The following CRB1 variants were observed in gnomAD, a reference collection of about 807,000 sequenced individuals.
CRB1 encodes the protein crumbs cell polarity complex component 1, also known as protein crumbs homolog 1.
A neutral mutation model predicts 120.0 loss-of-function variants in CRB1; 83 were observed. That is an observed-to-expected ratio of 0.69 (90% CI 0.58 to 0.83). The LOEUF (loss-of-function observed/expected upper bound fraction) is 0.83, where lower values mean the gene tolerates loss of function less well. CRB1 is among the 40% of genes least tolerant of loss of function. The pLI, the probability that CRB1 is intolerant of heterozygous loss-of-function variation, is 0.00. For missense variants in CRB1, 1,699 were observed against 1,687.6 expected (o/e 1.01, Z -0.12); for synonymous variants, 625 against 612.5 (o/e 1.02, Z -0.30).
chr1:197,297,321 A>G (rs1483277585), intron 1 of CRB1, among the ~76,000 whole-genome samples: 3 of 151,964 alleles, frequency 2.0e-5, no homozygotes, highest in African/African-American at 2.4e-5. Context: ...GCTATTATAC[A>G]TATATTAGTT....
the CRB1 span, among the ~76,000 whole-genome samples, chr1:197,207,373 G>C: frequency 6.6e-6 from 1 of 151,868 alleles, no homozygotes; most frequent in Non-Finnish European, 1.5e-5. Context: ...TTTGTTCCAA[G>C]ATTTAGAGCT....
chr1:197,241,860 A>G, the CRB1 span, among the ~76,000 whole-genome samples: 39,875 of 151,688 alleles, frequency 0.26, 6,228 homozygotes, highest in African/African-American at 0.44. Context: ...GTCCTTTCTT[A>G]TTTCCTTGAG....
Position 197,420,798 on chromosome 1 carries a change from G to A in CRB1, c.1172-202G>A, listed in dbSNP as rs1664262415. On this transcript the variant is annotated intron_variant, in intron 5 of 11. Transcript: ENST00000367400. Reference sequence around the variant, plus strand: ...AGAGGAAGAATACAAAGCCTGCCATGACTGCATCTTTTTTCTTCATGACAC... The same window carrying A: ...AGAGGAAGAATACAAAGCCTGCCATAACTGCATCTTTTTTCTTCATGACAC... Among the ~76,000 whole-genome samples the A allele has an allele frequency of 2.0e-5, 3 of 152,152 alleles. No individual in the cohort carries two copies. The South Asian group carries it at 6.2e-4, about 31-fold the overall frequency.
intron 5 of CRB1, among the ~76,000 whole-genome samples, chr1:197,386,354 T>A (rs1335104928): frequency 6.6e-6 from 1 of 152,148 alleles, no homozygotes; most frequent in Non-Finnish European, 1.5e-5. Context: ...TTGTATCTCT[T>A]ATCATACTCT....
rs1299705675 is a variant in CRB1, at chr1:197,435,233, C to A, written c.3370C>A (p.Gln1124Lys). ...HGFINKPQEE[Q>K]FLKISTNSVV... The stretch of plus-strand genomic sequence containing the variant: ...TTTCATTAATAAACCTCAGGAAGAG[C>A]AATTTCTCAAAATCTCTACCAATTC... The change falls in exon 9 of 12, where the codon CAA becomes AAA. Residue 1124 changes from glutamine to lysine, a missense_variant. Physicochemically the swap from Gln to Lys is moderately conservative, Grantham distance 53 (BLOSUM62 1). Transcript: ENST00000367400. 1 of 1,613,854 alleles carries A rather than the reference C, an allele frequency of 6.2e-7. No homozygotes were observed. Among genetic ancestry groups the A allele is most frequent in the Admixed American group, 1.7e-5 (1 of 59,956 alleles).
At chr1:197,287,504 G>A (rs530788052) in intron 1 of CRB1, among the ~76,000 whole-genome samples, 1 of 151,948 alleles carries the variant, frequency 6.6e-6, no homozygotes, top group South Asian at 2.1e-4. Context: ...AGTTTGTGGG[G>A]GATTGTAAGC....
the CRB1 span, among the ~76,000 whole-genome samples, chr1:197,239,088 T>C: frequency 6.6e-6 from 1 of 152,112 alleles, no homozygotes; most frequent in Non-Finnish European, 1.5e-5. Flanking sequence ...TCAAGCTCTA[T>C]ATAATTTTAA....
chr1:197,277,841 T>G (rs1013783666), intron 1 of CRB1, among the ~76,000 whole-genome samples: 1 of 151,872 alleles, frequency 6.6e-6, no homozygotes, highest in African/African-American at 2.4e-5. Context: ...ATTACCACGT[T>G]TTTTCAAGGC....
chr1:197,354,329 C>G lies in CRB1; in HGVS notation c.989-2502C>G, dbSNP rs116263509. ...AAACTCAAAACGCTTACACAGACAG[C>G]CATGTATAATTGTGTCCGAAATTGG... On this transcript the variant is annotated intron_variant, in intron 4 of 11. Coordinates refer to ENST00000367400, the MANE Select transcript of CRB1 (RefSeq NM_201253.3). 8.6e-3 allele frequency among the ~76,000 whole-genome samples: 1,307 copies of G among 152,290 alleles called. 18 individuals are homozygous for G. Among genetic ancestry groups the G allele is most frequent in the African/African-American group, 0.03 (1,258 of 41,550 alleles).
chr1:197,420,037 A>G (rs1182741509), intron 5 of CRB1, among the ~76,000 whole-genome samples: 2 of 150,714 alleles, frequency 1.3e-5, no homozygotes, highest in Non-Finnish European at 3.0e-5. Context: ...GTCTGATGTT[A>G]GAAGTGCTTT....
intron 11 of CRB1, among the ~76,000 whole-genome samples, chr1:197,460,150 A>T (rs1431928040): frequency 6.6e-6 from 1 of 151,808 alleles, no homozygotes; most frequent in Non-Finnish European, 1.5e-5. Flanking sequence ...TTCAGATATG[A>T]TCAGATTAAG....
chr1:197,386,912 A>G (rs1382962852), intron 5 of CRB1, among the ~76,000 whole-genome samples: 1 of 152,148 alleles, frequency 6.6e-6, no homozygotes, highest in Non-Finnish European at 1.5e-5. Flanking sequence ...TTCCATAGTA[A>G]TAGCTATGTT....
At chr1:197,408,341 G>T (rs567194186) in intron 5 of CRB1, among the ~76,000 whole-genome samples, 1 of 152,024 alleles carries the variant, frequency 6.6e-6, no homozygotes, top group Non-Finnish European at 1.5e-5. Flanking sequence ...TTGAAAAAAC[G>T]AAAGAGAGAG....
At chr1:197,423,098 C>T (rs910929334) in intron 6 of CRB1, among the ~76,000 whole-genome samples, 1 of 152,030 alleles carries the variant, frequency 6.6e-6, no homozygotes, top group Non-Finnish European at 1.5e-5. Context: ...AGGCAATGTT[C>T]ACTTTTTGAA....
intron 1 of CRB1, among the ~76,000 whole-genome samples, chr1:197,318,959 T>C (rs768963161): frequency 6.6e-6 from 1 of 152,106 alleles, no homozygotes; most frequent in Non-Finnish European, 1.5e-5. Context: ...CAATGTATTA[T>C]ATGTTCCAAA....
At chr1:197,255,869 TAGG>T in the CRB1 span, among the ~76,000 whole-genome samples, 13 of 149,722 alleles carry the variant, frequency 8.7e-5, no homozygotes, top group African/African-American at 3.2e-4. Context: ...TTCTATAGGA[TAGG>T]AGGAGAGTAG....
chr1:197,289,734 C>A (rs946283224), intron 1 of CRB1, among the ~76,000 whole-genome samples: 2 of 151,702 alleles, frequency 1.3e-5, no homozygotes, highest in Admixed American at 1.3e-4. Flanking sequence ...GTCTAATATG[C>A]TCTAATTTGT....
intron 1 of CRB1, among the ~76,000 whole-genome samples, chr1:197,279,477 A>G (rs1243201703): frequency 1.3e-5 from 2 of 151,526 alleles, no homozygotes; most frequent in Non-Finnish European, 2.9e-5. Flanking sequence ...AGATGTAAAT[A>G]TAAATTGCTT....
At chr1:197,330,794 C>T (rs933194540) in intron 2 of CRB1, among the ~76,000 whole-genome samples, 1 of 13,160 alleles carries the variant, frequency 7.6e-5, no homozygotes, top group Non-Finnish European at 1.7e-4. Context: ...GTTTTTGCAC[C>T]CCCCCCCAAA....
Sources: allele counts gnomAD v4.1 joint callset (sites outside exome capture counted in the v4.1 genomes callset), GRCh38; gene constraint gnomAD v4.1.1; transcripts MANE v1.5; gene names NCBI Gene and HGNC (gene_info 2026-07-23, HGNC 2026-07-21).